The following SLC6A11 variants were observed in gnomAD, a reference collection of about 807,000 sequenced individuals.
The protein encoded by SLC6A11 is sodium- and chloride-dependent GABA transporter 3.
SLC6A11 carries 25 observed loss-of-function variants against 74.8 expected under a neutral mutation model. That is an observed-to-expected ratio of 0.33 (90% confidence interval 0.24 to 0.47). SLC6A11 has a LOEUF of 0.47. Ranked by LOEUF, SLC6A11 falls within the 20% of genes least tolerant of loss-of-function variation. The pLI, the probability that SLC6A11 is intolerant of heterozygous loss-of-function variation, is 1.00. For synonymous variants in SLC6A11, 330 were observed against 330.2 expected (o/e 1.00, Z 0.01); for missense variants, 574 against 837.0 (o/e 0.69, Z 3.88).
chr3:10,897,063 C>G (rs1248535026), intron 6 of SLC6A11, among the ~76,000 whole-genome samples: 2 of 152,168 alleles, frequency 1.3e-5, no homozygotes, highest in Non-Finnish European at 2.9e-5. Flanking sequence ...GGGGTTTCCC[C>G]TTATCAAACC....
intron 11 of SLC6A11, 70 bp downstream of exon 11, chr3:10,933,323 CTGGT>C (rs780647119): frequency 3.0e-5 from 30 of 995,032 alleles, no homozygotes; most frequent in Non-Finnish European, 4.7e-5. Flanking sequence ...TGCTTGGACT[CTGGT>C]TGGCTCTGGT....
chr3:10,912,866 G>C (rs560676258), intron 7 of SLC6A11, among the ~76,000 whole-genome samples: 6 of 152,030 alleles, frequency 3.9e-5, no homozygotes, highest in African/African-American at 1.4e-4. Context: ...TTGAGGTTTC[G>C]GTCCACTGGG....
In SLC6A11 at chr3:10,933,257, A is replaced by G; in HGVS notation, c.1474+4A>G. 6.2e-7 allele frequency: 1 copy of G among 1,608,270 alleles called. No homozygotes were observed. The highest frequency in any genetic ancestry group is 8.5e-7 in the Non-Finnish European group (1 of 1,174,786). On this transcript the variant is annotated splice_donor_region_variant and intron_variant, in intron 11 of 13. Transcript: ENST00000254488. ...ATCTGCATCGGCTGGGTGTATGGTGAGTAGCAGCCAAGCCCGTCCACACCC... is the reference window on the plus strand; with the variant it reads ...ATCTGCATCGGCTGGGTGTATGGTGGGTAGCAGCCAAGCCCGTCCACACCC...
At chr3:10,934,820 A>G (rs1457668092) in intron 12 of SLC6A11, among the ~76,000 whole-genome samples, 2 of 152,180 alleles carry the variant, frequency 1.3e-5, no homozygotes, top group Non-Finnish European at 2.9e-5. Flanking sequence ...ACGTTCCCTG[A>G]GCATCTGTTG....
At chr3:10,930,593 GATTA>G (rs1345021064) in intron 10 of SLC6A11, among the ~76,000 whole-genome samples, 3 of 152,180 alleles carry the variant, frequency 2.0e-5, no homozygotes, top group African/African-American at 4.8e-5. Context: ...ATTAAGCACT[GATTA>G]ATTAGAGTCT....
chr3:10,875,581 G>A (rs777121925), intron 6 of SLC6A11, among the ~76,000 whole-genome samples: 2 of 152,318 alleles, frequency 1.3e-5, no homozygotes, highest in Non-Finnish European at 2.9e-5. Context: ...CTGCAGTAGT[G>A]CATCTTGGTG....
At chr3:10,901,425 C>T (rs115220319) in intron 6 of SLC6A11, among the ~76,000 whole-genome samples, 3 of 152,212 alleles carry the variant, frequency 2.0e-5, no homozygotes, top group African/African-American at 7.2e-5. Context: ...CAGGATTGAA[C>T]GGCTCCTCAC....
At chr3:10,903,514 C>T (rs995900394) in intron 6 of SLC6A11, among the ~76,000 whole-genome samples, 1 of 152,220 alleles carries the variant, frequency 6.6e-6, no homozygotes, top group African/African-American at 2.4e-5. Flanking sequence ...AAAGTGTAAG[C>T]TCCTTAAGGG....
At chr3:10,873,508 T>TGCCATG (rs1306704168) in intron 5 of SLC6A11, among the ~76,000 whole-genome samples, 31 of 147,326 alleles carry the variant, frequency 2.1e-4, no homozygotes, top group South Asian at 1.9e-3. Flanking sequence ...TCCTATCCTA[T>TGCCATG]CCTATGCCAT....
chr3:10,919,036 T>C (rs1257057995), intron 8 of SLC6A11, among the ~76,000 whole-genome samples: 1 of 151,782 alleles, frequency 6.6e-6, no homozygotes, highest in Non-Finnish European at 1.5e-5. Context: ...GTTAACTCTC[T>C]CCTCCTCCCT....
rs550709648 is a variant in SLC6A11, at chr3:10,831,238, G to A, written c.623+7846G>A. 3.9e-5 allele frequency among the ~76,000 whole-genome samples: 6 copies of A among 152,078 alleles called. No individual in the cohort carries two copies. In the South Asian group the frequency reaches 6.2e-4, roughly 16 times the overall value. On this transcript the variant is annotated intron_variant, in intron 4 of 13. Coordinates refer to ENST00000254488, the MANE Select transcript of SLC6A11 (RefSeq NM_014229.3). ...AGAAGCCAATTTAGCAATAACCCGC[G>A]GCACTGGGGCTGCACATAAGTTTTG...
intron 9 of SLC6A11, among the ~76,000 whole-genome samples, chr3:10,928,505 G>T (rs956207566): frequency 1.3e-5 from 2 of 152,138 alleles, no homozygotes; most frequent in Admixed American, 6.5e-5. Flanking sequence ...GGCTGTTAAT[G>T]GGTGGGTAGG....
chr3:10,887,616 T>C (rs1032078047), intron 6 of SLC6A11, among the ~76,000 whole-genome samples: 1 of 152,116 alleles, frequency 6.6e-6, no homozygotes, highest in Non-Finnish European at 1.5e-5. Flanking sequence ...TGGCTAATTT[T>C]TGTATTTTTA....
intron 5 of SLC6A11, among the ~76,000 whole-genome samples, chr3:10,858,518 A>G (rs968092660): frequency 2.0e-5 from 3 of 152,208 alleles, no homozygotes; most frequent in Admixed American, 6.5e-5. Context: ...AAATGCCTCT[A>G]CATGTCTCCA....
chr3:10,873,418 T>TGGCATGCCATCCTACCCTAC (rs1694854570), intron 5 of SLC6A11, among the ~76,000 whole-genome samples: 1 of 149,410 alleles, frequency 6.7e-6, no homozygotes, highest in African/African-American at 2.5e-5. Context: ...TCCTATCCTA[T>TGGCATGCCATCCTACCCTAC]CCTATCCTAT....
At position 10,934,469 on chromosome 3, in the gene SLC6A11, G is replaced by A. The variant is rs146441660; in HGVS notation, c.1575+303G>A. Among the ~76,000 whole-genome samples the A allele has an allele frequency of 2.5e-3, 381 of 152,344 alleles. 2 individuals are homozygous for A. Among genetic ancestry groups the A allele is most frequent in the African/African-American group, 8.9e-3 (369 of 41,584 alleles). ...TCCGCCTCAGAGGGCCGAGGACTAT[G>A]TGGGGAACAAAGGCCTGTCCCCATC... is the stretch of plus-strand genomic sequence containing the variant. On this transcript the variant is annotated intron_variant, in intron 12 of 13. Transcript: ENST00000254488.
chr3:10,850,361 C>T (rs1417937892), intron 5 of SLC6A11, among the ~76,000 whole-genome samples: 1 of 152,228 alleles, frequency 6.6e-6, no homozygotes, highest in Non-Finnish European at 1.5e-5. Flanking sequence ...CTCATTCATT[C>T]ACTCACCCAG....
At chr3:10,924,398 A>T (rs1440904639) in intron 8 of SLC6A11, among the ~76,000 whole-genome samples, 1 of 152,092 alleles carries the variant, frequency 6.6e-6, no homozygotes, top group Non-Finnish European at 1.5e-5. Context: ...CGAGTCAAAA[A>T]TCCTAAGGAA....
rs1046372817 is a variant in SLC6A11 at position 10,844,423 on chromosome 3, G to A, written c.756+77G>A. 4 of 1,574,310 alleles carry A rather than the reference G, an allele frequency of 2.5e-6. No homozygotes were observed. The African/African-American group carries it at 4.0e-5, about 16-fold the overall frequency. On this transcript the variant is annotated intron_variant, in intron 5 of 13. Coordinates refer to ENST00000254488, the MANE Select transcript of SLC6A11 (RefSeq NM_014229.3). ...CACAGATGACCTAGAGAGTAACAGGGAGTTCATGTTGCAGAGGCCAGCACT... is the reference window on the plus strand; with the variant it reads ...CACAGATGACCTAGAGAGTAACAGGAAGTTCATGTTGCAGAGGCCAGCACT...
Sources: allele counts gnomAD v4.1 joint callset (sites outside exome capture counted in the v4.1 genomes callset), GRCh38; gene constraint gnomAD v4.1.1; transcripts MANE v1.5; gene names NCBI Gene and HGNC (gene_info 2026-07-23, HGNC 2026-07-21).